ADM: variants seen among roughly 807,000 people sequenced by gnomAD.
The protein encoded by ADM is adrenomedullin.
ADM carries 4 observed loss-of-function variants against 9.0 expected under a neutral mutation model. The observed-to-expected ratio is 0.44, with a 90% CI of 0.22 to 1.02. The LOEUF (loss-of-function observed/expected upper bound fraction) is 1.02. ADM is among the 50% of genes least tolerant of loss of function. The pLI is 0.24. For missense variants in ADM, 253 were observed against 254.1 expected, an observed-to-expected ratio of 1.00 and a Z score of 0.03; for synonymous variants, 107 against 107.2, an observed-to-expected ratio of 1.00 and a Z score of 0.01.
In ADM at chr11:10,306,679, G is replaced by C; in HGVS notation, c.*38G>C. 6.7e-7 allele frequency: 1 copy of C among 1,493,304 alleles called. No individual in the cohort carries two copies. The highest frequency in any genetic ancestry group is 8.9e-7 in the Non-Finnish European group (1 of 1,121,378). The allele number at this position is 1,493,304 out of a possible 1,614,324, so 92.5% of individuals were successfully genotyped here. On this transcript the variant is annotated 3_prime_UTR_variant, in exon 4 of 4. Transcript: ENST00000278175. ...CATGGTACAAGGAATAGTCGCGCAA[G>C]CATCCCGCTGGTGCCTCCCGGGACG... is the stretch of plus-strand genomic sequence containing the variant.
Position 10,306,078 on chromosome 11 carries a change from C to A in ADM, c.228C>A (p.Ala76=). The stretch of plus-strand genomic sequence containing the variant: ...TTCGGCCCCAGGACATGAAGGGTGC[C>A]TCTCGAAGCCCCGAAGACAGGTAAC... ...TLIRPQDMKG[A]SRSPEDSSPD... is the part of the protein sequence containing the mutation. The change falls in exon 3 of 4, where the codon GCC becomes GCA. Residue 76 remains alanine (A), a synonymous_variant. Coordinates refer to ENST00000278175, the MANE Select transcript of ADM (RefSeq NM_001124.3). 2.5e-6 allele frequency: 4 copies of A among 1,613,950 alleles called. No homozygotes were observed. Among genetic ancestry groups the A allele is most frequent in the Non-Finnish European group, 3.4e-6 (4 of 1,180,010 alleles).
In ADM at chr11:10,306,868, G is replaced by T. The variant is rs1964666987; in HGVS notation, c.*227G>T. 6.6e-6 allele frequency: 3 copies of T among 452,718 alleles called. No individual in the cohort carries two copies. Among genetic ancestry groups the T allele is most frequent in the Non-Finnish European group, 1.2e-5 (3 of 258,658 alleles). 28.0% of individuals were successfully genotyped at this position (452,718 alleles called of 1,614,324 possible). ...AGGTGCAAGTGCCCCAGGGGGCGGGGTGCAGAAGAATCCGAGTGTTTGCCA... is the reference window on the plus strand; with the variant it reads ...AGGTGCAAGTGCCCCAGGGGGCGGGTTGCAGAAGAATCCGAGTGTTTGCCA... On this transcript the variant is annotated 3_prime_UTR_variant, in exon 4 of 4. Coordinates refer to ENST00000278175, the MANE Select transcript of ADM (RefSeq NM_001124.3).
chr11:10,305,121 A>C lies in ADM; in HGVS notation c.-130A>C, dbSNP rs933383844. On this transcript the variant is annotated 5_prime_UTR_variant, in exon 1 of 4. Coordinates refer to ENST00000278175, the MANE Select transcript of ADM (RefSeq NM_001124.3). ...TGGATAGAACAGCTCAAGCCTTGCC[A>C]CTTCGGGCTTCTCACTGCAGCTGGG... is the stretch of plus-strand genomic sequence containing the variant. 3 of 156,650 alleles carry C rather than the reference A, an allele frequency of 1.9e-5. No individual in the cohort carries two copies. The highest frequency in any genetic ancestry group is 7.2e-5 in the African/African-American group (3 of 41,468). 9.7% of individuals were successfully genotyped at this position (156,650 alleles called of 1,614,324 possible). A position where few individuals can be genotyped will look rare whatever the true frequency, so the allele number is the denominator to read the frequency against.
At position 10,305,947 on chromosome 11, in the gene ADM, A is replaced by G; in HGVS notation, c.99-2A>G. 1 of 1,613,556 alleles carries G rather than the reference A, an allele frequency of 6.2e-7. No individual in the cohort carries two copies. Among genetic ancestry groups the G allele is most frequent in the Non-Finnish European group, 8.5e-7 (1 of 1,179,996 alleles). Reference sequence around the variant, plus strand: ...CGAATCGGGTCTGCTTGTGTTTTCCAGGTGGAATAAGTGGGCTCTGAGTCG... The same window carrying G: ...CGAATCGGGTCTGCTTGTGTTTTCCGGGTGGAATAAGTGGGCTCTGAGTCG... On this transcript the variant is annotated splice_acceptor_variant, in intron 2 of 3. Coordinates refer to ENST00000278175, the MANE Select transcript of ADM (RefSeq NM_001124.3). LOFTEE classifies it high-confidence loss of function.
Position 10,305,801 on chromosome 11 carries a change from G to A in ADM, c.98+3G>A, listed in dbSNP as rs770380722. ...GTCGCGTCGGAGTTTCGAAAGAAGTGAGTCCGGGCAGCGCCTTCCCCCTTG... is the reference window on the plus strand; with the variant it reads ...GTCGCGTCGGAGTTTCGAAAGAAGTAAGTCCGGGCAGCGCCTTCCCCCTTG... On this transcript the variant is annotated splice_donor_region_variant and intron_variant, in intron 2 of 3. Transcript: ENST00000278175. 10 of 1,614,160 alleles carry A rather than the reference G, an allele frequency of 6.2e-6. No individual in the cohort carries two copies. The highest frequency in any genetic ancestry group is 1.6e-4 in the Middle Eastern group (1 of 6,062).
chr11:10,305,671 C>T lies in ADM; in HGVS notation c.-21-9C>T. ...GTGCTCACGCTCGACTCTCTTTCTT[C>T]TTTTCCAGGGTCTGCGCTTCGCAGC... On this transcript the variant is annotated splice_polypyrimidine_tract_variant and intron_variant, in intron 1 of 3. Transcript: ENST00000278175. 10 of 1,609,100 alleles carry T rather than the reference C, an allele frequency of 6.2e-6. No homozygotes were observed. Among genetic ancestry groups the T allele is most frequent in the Non-Finnish European group, 8.5e-6 (10 of 1,177,420 alleles).
intron 1 of ADM, 117 bp from the exon 2 acceptor site, chr11:10,305,563 C>T: frequency 1.2e-6 from 1 of 811,626 alleles, no homozygotes. Flanking sequence ...AGCGTCTGAG[C>T]CAGGGAAAGC....
chr11:10,306,530 G>A lies in ADM; in HGVS notation c.447G>A (p.Arg149=). 1 of 1,608,580 alleles carries A rather than the reference G, an allele frequency of 6.2e-7. No homozygotes were observed. Among genetic ancestry groups the A allele is most frequent in the Non-Finnish European group, 8.5e-7 (1 of 1,177,582 alleles). The part of the protein sequence containing the change: ...SKISPQGYGR[R]RRRSLPEAGP... ...TCAGCCCCCAGGGCTACGGCCGCCG[G>A]CGCCGGCGCTCCCTGCCCGAGGCCG... Residue 149 remains arginine, a synonymous_variant, in exon 4 of 4, where the codon CGG becomes CGA. Transcript: ENST00000278175.
At chr11:10,306,151 G>C in intron 3 of ADM, 53 bp downstream of exon 3, 10 of 1,596,962 alleles carry the variant, frequency 6.3e-6, no homozygotes, top group Non-Finnish European at 8.5e-6. Context: ...GTGTGCGGGA[G>C]GAGTTCTCTG....
chr11:10,306,119 C>A, intron 3 of ADM, 21 bp downstream of exon 3: 1 of 1,612,062 alleles, frequency 6.2e-7, no homozygotes, highest in South Asian at 1.1e-5. Flanking sequence ...CCTGTGCTGT[C>A]CAGGGACGGG....
Position 10,306,817 on chromosome 11 carries a change from G to A in ADM, c.*176G>A. 1 of 584,908 alleles carries A rather than the reference G, an allele frequency of 1.7e-6. No individual in the cohort carries two copies. The highest frequency in any genetic ancestry group is 3.9e-5 in the Admixed American group (1 of 25,946). The allele number at this position is 584,908 out of a possible 1,614,324, so 36.2% of individuals were successfully genotyped here. ...GGCTTTGCAAGGGCCCCTCCTTCTG[G>A]GGGCTTCGCTTCCTTAGCCTTGCTC... On this transcript the variant is annotated 3_prime_UTR_variant, in exon 4 of 4. Transcript: ENST00000278175.
rs1464091492 is a variant in ADM at position 10,306,024 on chromosome 11, C to A, written c.174C>A (p.Asp58Glu). The part of the protein sequence containing the change: ...MSSSYPTGLA[D>E]VKAGPAQTLI... ...GCAGCTACCCCACCGGGCTCGCTGACGTGAAGGCCGGGCCTGCCCAGACCC... is the reference window on the plus strand; with the variant it reads ...GCAGCTACCCCACCGGGCTCGCTGAAGTGAAGGCCGGGCCTGCCCAGACCC... The change falls in exon 3 of 4, where the codon GAC (aspartate) becomes GAA (glutamate). Residue 58 changes from aspartate to glutamate, a missense_variant. By Grantham distance (45) the Asp-to-Glu change is conservative (BLOSUM62 2). Transcript: ENST00000278175. The A allele has an allele frequency of 6.2e-7, 1 of 1,614,068 alleles. No individual in the cohort carries two copies. Among genetic ancestry groups the A allele is most frequent in the South Asian group, 1.1e-5 (1 of 91,072 alleles).
chr11:10,306,193 G>A, intron 3 of ADM, 95 bp downstream of exon 3: 1 of 1,551,278 alleles, frequency 6.4e-7, no homozygotes, highest in Non-Finnish European at 8.7e-7. Context: ...GGATCGTCGG[G>A]GCTGGACCGC....
Position 10,306,784 on chromosome 11 carries a change from C to A in ADM, c.*143C>A. The stretch of plus-strand genomic sequence containing the variant: ...GAGTCCGGGAGGCACCGTCCGGCGG[C>A]GAGCTCTGGCTTTGCAAGGGCCCCT... On this transcript the variant is annotated 3_prime_UTR_variant, in exon 4 of 4. Coordinates refer to ENST00000278175, the MANE Select transcript of ADM (RefSeq NM_001124.3). The A allele has an allele frequency of 1.2e-6, 1 of 809,452 alleles. No individual in the cohort carries two copies. Among genetic ancestry groups the A allele is most frequent in the Non-Finnish European group, 1.8e-6 (1 of 550,938 alleles). 50.1% of individuals were successfully genotyped at this position (809,452 alleles called of 1,614,324 possible).
chr11:10,306,920 A>C lies in ADM; in HGVS notation c.*279A>C. Reference sequence around the variant, plus strand: ...GCTTAAGGAGAGGAGAAACTGAGAAATGAATGCTGAGACCCCCGGAGCAGG... The same window carrying C: ...GCTTAAGGAGAGGAGAAACTGAGAACTGAATGCTGAGACCCCCGGAGCAGG... On this transcript the variant is annotated 3_prime_UTR_variant, in exon 4 of 4. Coordinates refer to ENST00000278175, the MANE Select transcript of ADM (RefSeq NM_001124.3). 1.2e-4 allele frequency: 38 copies of C among 319,782 alleles called. No homozygotes were observed. Among genetic ancestry groups the C allele is most frequent in the Middle Eastern group, 1.7e-3 (2 of 1,188 alleles). 19.8% of individuals were successfully genotyped at this position (319,782 alleles called of 1,614,324 possible). A position where few individuals can be genotyped will look rare whatever the true frequency, so the allele number is the denominator to read the frequency against.
intron 1 of ADM, 74 bp from the exon 2 acceptor site, chr11:10,305,606 C>T: frequency 2.2e-6 from 3 of 1,376,798 alleles, no homozygotes; most frequent in Non-Finnish European, 3.0e-6. Context: ...GGGCCCCTGC[C>T]CGCCCTCCGT....
chr11:10,305,638 T>C, intron 1 of ADM, 42 bp from the exon 2 acceptor site: 1 of 1,557,610 alleles, frequency 6.4e-7, no homozygotes, highest in Middle Eastern at 1.7e-4. Context: ...GCGGTGCAGC[T>C]GGCCCGGGTG....
chr11:10,307,341 A>G lies in ADM; in HGVS notation c.*700A>G, dbSNP rs1964673982. On this transcript the variant is annotated 3_prime_UTR_variant, in exon 4 of 4. Coordinates refer to ENST00000278175, the MANE Select transcript of ADM (RefSeq NM_001124.3). The surrounding 1 kb of genome is among the most constrained non-coding windows in gnomAD (Gnocchi z 4.5). ...GAAACACCGAGTCTCTGTATAATCT[A>G]TTTACATAAAATGGGTGATATGCGA... is the stretch of plus-strand genomic sequence containing the variant. 2 of 152,636 alleles carry G rather than the reference A, an allele frequency of 1.3e-5. No individual in the cohort carries two copies. The highest frequency in any genetic ancestry group is 6.5e-5 in the Admixed American group (1 of 15,282). 9.5% of individuals were successfully genotyped at this position (152,636 alleles called of 1,614,324 possible). A position where few individuals can be genotyped will look rare whatever the true frequency, so the allele number is the denominator to read the frequency against.
chr11:10,305,772 G>A lies in ADM; in HGVS notation c.72G>A (p.Leu24=), dbSNP rs1253098537. ...TCCTAGGCGCTGACACCGCTCGGTT[G>A]GATGTCGCGTCGGAGTTTCGAAAGA... ...LAFLGADTAR[L]DVASEFRKKW... The change falls in exon 2 of 4, where the codon TTG becomes TTA. Residue 24 remains leucine, a synonymous_variant. Transcript: ENST00000278175. The A allele has an allele frequency of 1.9e-6, 3 of 1,614,074 alleles. No homozygotes were observed. The East Asian group carries it at 6.7e-5, about 36-fold the overall frequency.
Sources: allele counts gnomAD v4.1 joint callset, GRCh38; gene constraint gnomAD v4.1.1; non-coding constraint Gnocchi (gnomAD v3.1); transcripts MANE v1.5; gene names NCBI Gene and HGNC (gene_info 2026-07-23, HGNC 2026-07-21).